The following EFCAB6 variants were observed in gnomAD, a reference collection of about 807,000 sequenced individuals.
EFCAB6 encodes EF-hand calcium-binding domain-containing protein 6.
In EFCAB6, 156 loss-of-function variants were observed where a neutral mutation model predicts 169.8. The ratio of observed to expected loss-of-function variants is 0.92; its 90% CI spans 0.81 to 1.05. EFCAB6 has a LOEUF of 1.05. Ranked by LOEUF, EFCAB6 falls within the 50% of genes least tolerant of loss-of-function variation. EFCAB6 has a pLI of 0.00. For missense variants in EFCAB6, 1,800 were observed against 1,829.1 expected (o/e 0.98, Z 0.29); for synonymous variants, 698 against 676.4 (o/e 1.03, Z -0.50).
intron 10 of EFCAB6, among the ~76,000 whole-genome samples, chr22:43,708,744 CTATGA>C (rs1199975623): frequency 1.3e-5 from 2 of 151,886 alleles, no homozygotes; most frequent in African/African-American, 4.8e-5. Flanking sequence ...GATAAAAGGG[CTATGA>C]TATAATAGTA....
At chr22:43,810,719 T>C (rs2063082601) in intron 1 of EFCAB6, among the ~76,000 whole-genome samples, 1 of 152,220 alleles carries the variant, frequency 6.6e-6, no homozygotes, top group Admixed American at 6.5e-5. Flanking sequence ...AGGTAAGCAC[T>C]TCTTGATAAA....
chr22:43,662,210 G>C (rs1310496870), intron 17 of EFCAB6, among the ~76,000 whole-genome samples: 1 of 147,910 alleles, frequency 6.8e-6, no homozygotes, highest in African/African-American at 2.5e-5. Context: ...ATAATTTATA[G>C]AGTAGACAGA....
rs545150280 is a variant in EFCAB6, at chr22:43,621,963, A to G, written c.2465+4484T>C. Among the ~76,000 whole-genome samples the G allele has an allele frequency of 2.4e-4, 36 of 152,336 alleles. No individual in the cohort carries two copies. In the South Asian group the frequency reaches 7.1e-3, roughly 30 times the overall value. The stretch of plus-strand genomic sequence containing the variant: ...ATGACCAATATTTTGAAAGATGCAA[A>G]TTAGCAAAACTCACTTGAGATGAAA... On this transcript the variant is annotated intron_variant, in intron 20 of 31. Transcript: ENST00000262726.
intron 4 of EFCAB6, among the ~76,000 whole-genome samples, chr22:43,766,725 G>C (rs1464892305): frequency 6.6e-6 from 1 of 152,130 alleles, no homozygotes; most frequent in Non-Finnish European, 1.5e-5. Context: ...AAGTTGACCA[G>C]GCTGGTTTCC....
At position 43,555,049 on chromosome 22, in the gene EFCAB6, G is replaced by A; in HGVS notation, c.3468C>T (p.Thr1156=). 6.2e-7 allele frequency: 1 copy of A among 1,614,238 alleles called. No homozygotes were observed. Among genetic ancestry groups the A allele is most frequent in the Non-Finnish European group, 8.5e-7 (1 of 1,180,044 alleles). Residue 1156 remains threonine, a synonymous_variant, in exon 27 of 32, where the codon ACC becomes ACT. Coordinates refer to ENST00000262726, the MANE Select transcript of EFCAB6 (RefSeq NM_022785.4). The part of the protein sequence containing the change: ...AEKMPKGPPP[T]SPKATADRDI... ...CTCTGTCGGCTGTGGCCTTGGGAGA[G>A]GTAGGCGGCGGGCCTTTGGGCATTT...
intron 7 of EFCAB6, among the ~76,000 whole-genome samples, chr22:43,733,160 A>G (rs923243658): frequency 6.6e-5 from 10 of 152,146 alleles, no homozygotes; most frequent in Admixed American, 5.9e-4. Context: ...GAAACTCCCT[A>G]AAGAGCTTCA....
intron 17 of EFCAB6, among the ~76,000 whole-genome samples, chr22:43,645,279 G>A (rs2056082713): frequency 6.6e-6 from 1 of 152,200 alleles, no homozygotes. Context: ...GTTGCTGCCA[G>A]AATACAAGCA....
chr22:43,773,999 C>T (rs2061559922), intron 3 of EFCAB6, among the ~76,000 whole-genome samples: 2 of 152,228 alleles, frequency 1.3e-5, no homozygotes, highest in East Asian at 3.9e-4. Flanking sequence ...GCCTCCTTCC[C>T]CTCTCCAAGA....
chr22:43,570,073 T>C (rs896412488), intron 26 of EFCAB6: 2 of 152,212 alleles, frequency 1.3e-5, no homozygotes, highest in South Asian at 2.1e-4. Flanking sequence ...TACAAACATT[T>C]TGATGTACTT....
At position 43,711,518 on chromosome 22, in the gene EFCAB6, C is replaced by T; in HGVS notation, c.988G>A (p.Val330Ile). Residue 330 changes from valine (V) to isoleucine (I), a missense_variant, in exon 10 of 32, where the codon GTA becomes ATA. Physicochemically the swap from Val to Ile is conservative, Grantham distance 29. Coordinates refer to ENST00000262726, the MANE Select transcript of EFCAB6 (RefSeq NM_022785.4). Reference protein sequence around the residue: ...NYLKIVLDTFVYQIPRRIFIQ... With the variant: ...NYLKIVLDTFIYQIPRRIFIQ... ...AAAATTCTTCTTGGTATTTGGTATACAAAAGTGTCGAGGACAATCTTTAGA... is the reference window on the plus strand; with the variant it reads ...AAAATTCTTCTTGGTATTTGGTATATAAAAGTGTCGAGGACAATCTTTAGA... 6.2e-7 allele frequency: 1 copy of T among 1,603,240 alleles called. No homozygotes were observed. The highest frequency in any genetic ancestry group is 1.1e-5 in the South Asian group (1 of 88,166).
chr22:43,777,804 C>T (rs1036945299), intron 3 of EFCAB6, among the ~76,000 whole-genome samples: 6 of 152,206 alleles, frequency 3.9e-5, no homozygotes, highest in Non-Finnish European at 4.4e-5. Context: ...TTTTAAAATA[C>T]GTAAAGGAAG....
chr22:43,717,014 G>T, intron 8 of EFCAB6, 42 bp from the exon 9 acceptor site: 1 of 1,416,452 alleles, frequency 7.1e-7, no homozygotes, highest in Non-Finnish European at 9.2e-7. Context: ...CATTGTCAAA[G>T]GTTAAACATT....
intron 2 of EFCAB6, among the ~76,000 whole-genome samples, chr22:43,794,540 A>G (rs2062427053): frequency 2.0e-5 from 3 of 152,244 alleles, no homozygotes; most frequent in Non-Finnish European, 4.4e-5. Flanking sequence ...ATGTAAACAG[A>G]TAAGAGTAAT....
Position 43,575,446 on chromosome 22 carries a change from G to A in EFCAB6, c.3420+851C>T, listed in dbSNP as rs189864055. Among the ~76,000 whole-genome samples, 276 of 148,290 alleles carry A rather than the reference G, an allele frequency of 1.9e-3. 2 individuals are homozygous for A. In the Middle Eastern group the frequency reaches 0.021, roughly 11 times the overall value. On this transcript the variant is annotated intron_variant, in intron 26 of 31. Transcript: ENST00000262726. Reference sequence around the variant, plus strand: ...TGGTTTCAAACTCCTGACCTCAGGTGATCTGCCCACCTCGGCCTCCCAAAG... The same window carrying A: ...TGGTTTCAAACTCCTGACCTCAGGTAATCTGCCCACCTCGGCCTCCCAAAG...
intron 6 of EFCAB6, among the ~76,000 whole-genome samples, chr22:43,739,801 C>A (rs541626204): frequency 1.3e-5 from 2 of 152,146 alleles, no homozygotes; most frequent in East Asian, 3.9e-4. Flanking sequence ...CTTCTCCCCG[C>A]ACTCCGGGTT....
chr22:43,544,285 T>A (rs1415178554), intron 27 of EFCAB6, among the ~76,000 whole-genome samples: 1 of 152,028 alleles, frequency 6.6e-6, no homozygotes, highest in African/African-American at 2.4e-5. Context: ...ATACATTATA[T>A]CAAATTGACT....
At chr22:43,690,003 T>G (rs549459322) in intron 10 of EFCAB6, among the ~76,000 whole-genome samples, 4 of 152,166 alleles carry the variant, frequency 2.6e-5, no homozygotes, top group Non-Finnish European at 5.9e-5. Flanking sequence ...CAAAATTAAG[T>G]AGCTGTAAGA....
At chr22:43,559,686 A>C (rs1028267111) in intron 26 of EFCAB6, among the ~76,000 whole-genome samples, 1 of 152,264 alleles carries the variant, frequency 6.6e-6, no homozygotes, top group Non-Finnish European at 1.5e-5. Flanking sequence ...GCAGCCATAA[A>C]AAATAATGAG....
chr22:43,677,413 C>T (rs1053649215), intron 13 of EFCAB6, among the ~76,000 whole-genome samples: 41 of 152,184 alleles, frequency 2.7e-4, no homozygotes, highest in African/African-American at 8.2e-4. Flanking sequence ...TTTGGGAGGC[C>T]GAGGCAAGTG....
Sources: gnomAD v4.1 joint callset for allele counts (sites outside exome capture counted in the v4.1 genomes callset) on GRCh38, gnomAD v4.1.1 for gene constraint, MANE v1.5 for transcripts, NCBI Gene and HGNC (gene_info 2026-07-23, HGNC 2026-07-21) for gene names.